CSNK1A1: variants seen among roughly 807,000 people sequenced by gnomAD.
CSNK1A1 encodes the protein casein kinase I isoform alpha.
Under a neutral mutation model 46.1 loss-of-function variants are expected in CSNK1A1, and 7 were observed. That is an observed-to-expected ratio of 0.15 (90% CI 0.09 to 0.29). The LOEUF (loss-of-function observed/expected upper bound fraction) is 0.29. Among genes scored for constraint, CSNK1A1 ranks in the 10% least tolerant of loss-of-function variants. The pLI is 1.00. For synonymous variants in CSNK1A1, 137 were observed against 141.5 expected (o/e 0.97, Z 0.23); for missense variants, 96 against 417.1 (o/e 0.23, Z 6.71).
intron 2 of CSNK1A1, among the ~76,000 whole-genome samples, chr5:149,528,801 G>A (rs1294534898): frequency 6.6e-6 from 1 of 152,206 alleles, no homozygotes; most frequent in Non-Finnish European, 1.5e-5. Context: ...TGGTAGGATA[G>A]AGCTTACAGC....
At chr5:149,542,668 A>T (rs28471683) in intron 2 of CSNK1A1, among the ~76,000 whole-genome samples, 1 of 11,700 alleles carries the variant, frequency 8.5e-5, no homozygotes, top group Non-Finnish European at 1.3e-4. Flanking sequence ...ATATATATAT[A>T]TATGTATATA....
Position 149,545,975 on chromosome 5 carries a change from G to A in CSNK1A1, c.230+4100C>T, listed in dbSNP as rs1466829464. Among the ~76,000 whole-genome samples, 8 of 151,098 alleles carry A rather than the reference G, an allele frequency of 5.3e-5. No homozygotes were observed. The South Asian group carries it at 8.3e-4, about 16-fold the overall frequency. On this transcript the variant is annotated intron_variant, in intron 2 of 9. Coordinates refer to ENST00000377843, the MANE Select transcript of CSNK1A1 (RefSeq NM_001892.6). ...ACGATCTTGGCTCACTGCAACCTCC[G>A]CCTCCCATGTTCAAGCAATTCTCCT...
At chr5:149,534,351 G>T (rs947985996) in intron 2 of CSNK1A1, among the ~76,000 whole-genome samples, 1 of 151,314 alleles carries the variant, frequency 6.6e-6, no homozygotes, top group South Asian at 2.1e-4. Context: ...GCGTGGTGGC[G>T]CACGCCTGTA....
Position 149,493,409 on chromosome 5 carries a change from G to T in CSNK1A1, c.*3444C>A, listed in dbSNP as rs1760575864. On this transcript the variant is annotated 3_prime_UTR_variant, in exon 10 of 10. Transcript: ENST00000377843. Reference sequence around the variant, plus strand: ...AGATTTCCTTTGTGGCACCATAATAGAATGTTCCAGGTTCATCTCATATTT... The same window carrying T: ...AGATTTCCTTTGTGGCACCATAATATAATGTTCCAGGTTCATCTCATATTT... 7.6e-6 allele frequency: 1 copy of T among 131,712 alleles called. No individual in the cohort carries two copies. Among genetic ancestry groups the T allele is most frequent in the South Asian group, 2.4e-4 (1 of 4,138 alleles). 8.2% of individuals were successfully genotyped at this position (131,712 alleles called of 1,614,324 possible).
rs145016443 is a variant in CSNK1A1, at chr5:149,547,364, T to C, written c.230+2711A>G. Among the ~76,000 whole-genome samples, 17 of 152,352 alleles carry C rather than the reference T, an allele frequency of 1.1e-4. No homozygotes were observed. The East Asian group carries it at 3.3e-3, about 29-fold the overall frequency. ...TTCAGTACATTACTCATTGCCCTTATGGGTCTGTATCAGGTCTTAAATAAA... is the reference window on the plus strand; with the variant it reads ...TTCAGTACATTACTCATTGCCCTTACGGGTCTGTATCAGGTCTTAAATAAA... On this transcript the variant is annotated intron_variant, in intron 2 of 9. Transcript: ENST00000377843.
chr5:149,537,307 C>T (rs1200555697), intron 2 of CSNK1A1, among the ~76,000 whole-genome samples: 1 of 152,090 alleles, frequency 6.6e-6, no homozygotes, highest in Non-Finnish European at 1.5e-5. Context: ...ACCCAGGAGG[C>T]AGAGGTTGCA....
In CSNK1A1 at chr5:149,497,170, T is replaced by C. The variant is rs1030697853; in HGVS notation, c.1007-310A>G. The C allele has an allele frequency of 2.8e-6, 3 of 1,088,404 alleles. No individual in the cohort carries two copies. The African/African-American group carries it at 4.9e-5, about 18-fold the overall frequency. The allele number at this position is 1,088,404 out of a possible 1,614,324, so 67.4% of individuals were successfully genotyped here. A position where few individuals can be genotyped will look rare whatever the true frequency, so the allele number is the denominator to read the frequency against. On this transcript the variant is annotated intron_variant, in intron 9 of 9. Coordinates refer to ENST00000377843, the MANE Select transcript of CSNK1A1 (RefSeq NM_001892.6). ...TCTGCATTTTTACATATGCAGAACA[T>C]ATTAGGCATTCACATATTTATCAAA...
rs1164468548 is a variant in CSNK1A1 at position 149,539,669 on chromosome 5, G to A, written c.230+10406C>T. 2.6e-5 allele frequency among the ~76,000 whole-genome samples: 4 copies of A among 151,844 alleles called. No individual in the cohort carries two copies. The South Asian group carries it at 8.3e-4, about 32-fold the overall frequency. The stretch of plus-strand genomic sequence containing the variant: ...AGCTTTTAAAAATCATGATACCTAC[G>A]TCATATCCCAATTTAATTAAATCAA... On this transcript the variant is annotated intron_variant, in intron 2 of 9. Coordinates refer to ENST00000377843, the MANE Select transcript of CSNK1A1 (RefSeq NM_001892.6).
chr5:149,511,169 T>C (rs1761211070), intron 6 of CSNK1A1, among the ~76,000 whole-genome samples: 1 of 152,010 alleles, frequency 6.6e-6, no homozygotes, highest in Non-Finnish European at 1.5e-5. Context: ...CTACAAAAAA[T>C]AATTTAAAAA....
At chr5:149,499,296 T>TAA in intron 9 of CSNK1A1, 1 of 503,534 alleles carries the variant, frequency 2.0e-6, no homozygotes, top group Non-Finnish European at 2.4e-6. Context: ...CTTTATTCCT[T>TAA]AAAAAAAAAG....
At chr5:149,510,198 T>C (rs1761172024) in intron 6 of CSNK1A1, among the ~76,000 whole-genome samples, 1 of 152,228 alleles carries the variant, frequency 6.6e-6, no homozygotes, top group Admixed American at 6.5e-5. Flanking sequence ...AATAGGAATA[T>C]ATGGATATTA....
rs141332479 is a variant in CSNK1A1, at chr5:149,500,604, T to C, written c.1007-3744A>G. 4.2e-3 allele frequency among the ~76,000 whole-genome samples: 635 copies of C among 152,034 alleles called. 5 individuals are homozygous for C. Among genetic ancestry groups the C allele is most frequent in the African/African-American group, 0.015 (607 of 41,484 alleles). On this transcript the variant is annotated intron_variant, in intron 9 of 9. Coordinates refer to ENST00000377843, the MANE Select transcript of CSNK1A1 (RefSeq NM_001892.6). ...TTTTTTTCTTTTCTTTTTAAAATTATTTAAAATAGCGATGAGGTCTCCCTA... is the reference window on the plus strand; with the variant it reads ...TTTTTTTCTTTTCTTTTTAAAATTACTTAAAATAGCGATGAGGTCTCCCTA...
chr5:149,534,906 C>CAAAAAAAAAAAAAAAAAAAAAAA (rs537826461), intron 2 of CSNK1A1, among the ~76,000 whole-genome samples: 1 of 72,530 alleles, frequency 1.4e-5, no homozygotes, highest in African/African-American at 4.8e-5. Flanking sequence ...CCTTGTCTCC[C>CAAAAAAAAAAAAAAAAAAAAAAA]AAAAAAAAAA....
At chr5:149,512,759 T>C (rs976138838) in intron 5 of CSNK1A1, among the ~76,000 whole-genome samples, 2 of 152,196 alleles carry the variant, frequency 1.3e-5, no homozygotes, top group South Asian at 2.1e-4. Flanking sequence ...AAGCCCCAAA[T>C]AGCTCTAAAA....
At chr5:149,512,381 C>T (rs1761254829) in intron 5 of CSNK1A1, among the ~76,000 whole-genome samples, 1 of 151,962 alleles carries the variant, frequency 6.6e-6, no homozygotes, top group Non-Finnish European at 1.5e-5. Context: ...ACAGTTTAAC[C>T]TAGATCATTC....
At chr5:149,505,199 C>A in intron 9 of CSNK1A1, 1 of 1,129,572 alleles carries the variant, frequency 8.9e-7, no homozygotes, top group Non-Finnish European at 1.1e-6. Flanking sequence ...ACCCAAAATC[C>A]CAAGAGAAAT....
intron 3 of CSNK1A1, among the ~76,000 whole-genome samples, chr5:149,524,453 C>G (rs561725063): frequency 4.2e-4 from 64 of 152,168 alleles, no homozygotes; most frequent in Middle Eastern, 6.8e-3. Flanking sequence ...TTCTTAAGAT[C>G]GAAATATCCA....
chr5:149,542,607 TA>T (rs1561772087), intron 2 of CSNK1A1, among the ~76,000 whole-genome samples: 5 of 10,812 alleles, frequency 4.6e-4, no homozygotes, highest in Non-Finnish European at 5.0e-4. Context: ...TATATATATA[TA>T]TATATATATA....
At chr5:149,544,754 T>TAC (rs1762412905) in intron 2 of CSNK1A1, among the ~76,000 whole-genome samples, 1 of 115,462 alleles carries the variant, frequency 8.7e-6, no homozygotes, top group East Asian at 2.7e-4. Context: ...TATATATATA[T>TAC]ATATATATAT....
Sources: gnomAD v4.1 joint callset for allele counts (sites outside exome capture counted in the v4.1 genomes callset) on GRCh38, gnomAD v4.1.1 for gene constraint, MANE v1.5 for transcripts, NCBI Gene and HGNC (gene_info 2026-07-23, HGNC 2026-07-21) for gene names.